CHCHD6: variants seen among roughly 807,000 people sequenced by gnomAD.
CHCHD6 encodes the protein MICOS complex subunit MIC25.
Under a neutral mutation model 32.3 loss-of-function variants are expected in CHCHD6, and 28 were observed. The ratio of observed to expected loss-of-function variants is 0.87; its 90% CI spans 0.64 to 1.19. CHCHD6 has a LOEUF of 1.19. Among genes scored for constraint, CHCHD6 ranks in the 50% most tolerant of loss-of-function variants. CHCHD6 has a pLI of 0.00. For missense variants in CHCHD6, 333 were observed against 307.0 expected (o/e 1.08, Z -0.63); for synonymous variants, 122 against 117.5 (o/e 1.04, Z -0.25).
In CHCHD6 at chr3:126,957,318, C is replaced by T. The variant is rs1361130562; in HGVS notation, c.567-98C>T. 22 of 1,397,706 alleles carry T rather than the reference C, an allele frequency of 1.6e-5. No individual in the cohort carries two copies. In the Admixed American group the frequency reaches 1.9e-4, roughly 12 times the overall value. 86.6% of individuals were successfully genotyped at this position (1,397,706 alleles called of 1,614,324 possible). On this transcript the variant is annotated intron_variant, in intron 6 of 7. Transcript: ENST00000290913. ...ATGCTGCTGGGTGTCAGGGACTTAG[C>T]CTAGCGCCTGGGAGGTAGGTGGAGT...
intron 1 of CHCHD6, among the ~76,000 whole-genome samples, chr3:126,716,740 G>C (rs939600394): frequency 1.3e-5 from 2 of 151,792 alleles, no homozygotes; most frequent in African/African-American, 4.8e-5. Context: ...CTTGGGGTCT[G>C]TTGTGCCCGG....
intron 4 of CHCHD6, among the ~76,000 whole-genome samples, chr3:126,751,511 A>C (rs1180281657): frequency 6.6e-6 from 1 of 151,322 alleles, no homozygotes; most frequent in Non-Finnish European, 1.5e-5. Flanking sequence ...CTCAAAAAAA[A>C]AAAAAAAAAA....
intron 4 of CHCHD6, among the ~76,000 whole-genome samples, chr3:126,795,384 G>T (rs1245069671): frequency 1.3e-5 from 2 of 152,188 alleles, no homozygotes; most frequent in African/African-American, 4.8e-5. Context: ...CATGTAATTG[G>T]CATTCAGTGA....
intron 4 of CHCHD6, among the ~76,000 whole-genome samples, chr3:126,760,200 C>G (rs1937109967): frequency 6.6e-6 from 1 of 152,140 alleles, no homozygotes; most frequent in South Asian, 2.1e-4. Flanking sequence ...GTACCTGTTC[C>G]TTTTTGAAAT....
intron 5 of CHCHD6, among the ~76,000 whole-genome samples, chr3:126,912,997 C>T (rs1057386506): frequency 2.6e-5 from 4 of 152,134 alleles, no homozygotes; most frequent in African/African-American, 9.7e-5. Context: ...GTCTGCCCAG[C>T]TTCAGCCAGG....
At chr3:126,869,773 T>G (rs1202578642) in intron 5 of CHCHD6, among the ~76,000 whole-genome samples, 5 of 152,226 alleles carry the variant, frequency 3.3e-5, no homozygotes, top group Non-Finnish European at 5.9e-5. Context: ...CTGTGTAACT[T>G]ATTGTAAGTT....
At chr3:126,733,277 A>G in intron 4 of CHCHD6, 55 bp downstream of exon 4, 1 of 1,555,518 alleles carries the variant, frequency 6.4e-7, no homozygotes, top group East Asian at 2.3e-5. Context: ...ACCCTGGGAA[A>G]TAGGGGGCGG....
chr3:126,878,341 C>T (rs1459700589), intron 5 of CHCHD6, among the ~76,000 whole-genome samples: 1 of 152,154 alleles, frequency 6.6e-6, no homozygotes, highest in Admixed American at 6.5e-5. Flanking sequence ...TGGCTGGTTC[C>T]GAGGCTGCAA....
At chr3:126,723,986 TA>T (rs1445455320) in intron 1 of CHCHD6, among the ~76,000 whole-genome samples, 2 of 152,248 alleles carry the variant, frequency 1.3e-5, no homozygotes, top group African/African-American at 4.8e-5. Flanking sequence ...TTCATCTCAG[TA>T]AACTGTTTTA....
chr3:126,830,450 A>G (rs1940592783), intron 4 of CHCHD6, among the ~76,000 whole-genome samples: 1 of 152,182 alleles, frequency 6.6e-6, no homozygotes, highest in Admixed American at 6.5e-5. Context: ...CCCACAGTCC[A>G]TCTTCCTCCT....
chr3:126,936,291 G>A (rs895926702), intron 6 of CHCHD6, among the ~76,000 whole-genome samples: 1 of 152,136 alleles, frequency 6.6e-6, no homozygotes, highest in African/African-American at 2.4e-5. Context: ...CGAAGGGGAG[G>A]ATAATATGAG....
chr3:126,893,149 G>A (rs1262143193), intron 5 of CHCHD6, among the ~76,000 whole-genome samples: 2 of 151,968 alleles, frequency 1.3e-5, no homozygotes, highest in Non-Finnish European at 2.9e-5. Context: ...TGTATTTTTA[G>A]TAGAGATGGG....
At chr3:126,834,053 CAAAAAAAAAAAAA>C (rs55790919) in intron 4 of CHCHD6, among the ~76,000 whole-genome samples, 6 of 44,434 alleles carry the variant, frequency 1.4e-4, no homozygotes, top group South Asian at 9.5e-4. Context: ...GACTCCGTCT[CAAAAAAAAAAAAA>C]AAAAAAAAAA....
intron 4 of CHCHD6, among the ~76,000 whole-genome samples, chr3:126,823,504 A>G (rs1264361931): frequency 2.6e-5 from 4 of 152,086 alleles, no homozygotes; most frequent in Admixed American, 6.5e-5. Context: ...TGAAAATACT[A>G]TTGCTTTTAA....
chr3:126,930,166 G>T (rs2078383600), intron 6 of CHCHD6, among the ~76,000 whole-genome samples: 1 of 152,194 alleles, frequency 6.6e-6, no homozygotes, highest in Non-Finnish European at 1.5e-5. Context: ...AGGGAATGTG[G>T]TTTGACATGT....
chr3:126,902,005 G>T (rs1253791006), intron 5 of CHCHD6, among the ~76,000 whole-genome samples: 1 of 152,224 alleles, frequency 6.6e-6, no homozygotes, highest in Admixed American at 6.5e-5. Context: ...ACAGGAACGC[G>T]CAAGTTAAGT....
intron 5 of CHCHD6, among the ~76,000 whole-genome samples, chr3:126,861,413 T>C (rs1225903582): frequency 1.3e-5 from 2 of 151,970 alleles, no homozygotes; most frequent in Non-Finnish European, 2.9e-5. Flanking sequence ...TTCGGATCAT[T>C]ATGAGAAGAA....
intron 5 of CHCHD6, among the ~76,000 whole-genome samples, chr3:126,879,906 T>G (rs116133468): frequency 0.031 from 4,646 of 152,266 alleles, 99 homozygotes; most frequent in Non-Finnish European, 0.04. Flanking sequence ...CTAGGTGAAA[T>G]GTATATGGGC....
chr3:126,845,346 T>C (rs1015405557), intron 4 of CHCHD6, among the ~76,000 whole-genome samples: 1 of 152,222 alleles, frequency 6.6e-6, no homozygotes, highest in Non-Finnish European at 1.5e-5. Context: ...TTTAGATTAC[T>C]TTTTTAGGGT....
Sources: gnomAD v4.1 joint callset for allele counts (sites outside exome capture counted in the v4.1 genomes callset) on GRCh38, gnomAD v4.1.1 for gene constraint, MANE v1.5 for transcripts, NCBI Gene and HGNC (gene_info 2026-07-23, HGNC 2026-07-21) for gene names.